Variants in NFYA observed in about 807,000 individuals in gnomAD.
The protein encoded by NFYA is CAAT-box DNA binding protein subunit A.
In NFYA, 28 loss-of-function variants were observed where a neutral mutation model predicts 52.8. That is an observed-to-expected ratio of 0.53 (90% CI 0.39 to 0.73). The LOEUF (loss-of-function observed/expected upper bound fraction) is 0.73, where lower values mean the gene tolerates loss of function less well. Ranked by LOEUF, NFYA falls within the 30% of genes least tolerant of loss-of-function variation. The pLI is 0.00. For missense variants in NFYA, 234 were observed against 427.0 expected, an observed-to-expected ratio of 0.55 and a Z score of 3.98; for synonymous variants, 150 against 150.7, an observed-to-expected ratio of 1.00 and a Z score of 0.03.
chr6:41,073,648 C>A (rs915294744), intron 1 of NFYA, among the ~76,000 whole-genome samples: 2 of 152,100 alleles, frequency 1.3e-5, no homozygotes, highest in African/African-American at 4.8e-5. Context: ...AGGGTGCGCG[C>A]CGCGGCCGCG....
chr6:41,094,228 C>T (rs1764284425), intron 8 of NFYA, among the ~76,000 whole-genome samples, 168 bp from the exon 9 acceptor site: 1 of 152,100 alleles, frequency 6.6e-6, no homozygotes, highest in South Asian at 2.1e-4. Context: ...AGCTATATTA[C>T]TTACTAGGTG....
intron 3 of NFYA, among the ~76,000 whole-genome samples, chr6:41,083,439 A>G (rs2113799598): frequency 6.6e-6 from 1 of 152,374 alleles, no homozygotes; most frequent in South Asian, 2.1e-4. Context: ...AGTTTAAACA[A>G]CAAACATATC....
rs1243492090 is a variant in NFYA, at chr6:41,101,730, AGCTAG to A, written c.*4323_*4327del. On this transcript the variant is annotated 3_prime_UTR_variant, in exon 10 of 10. Transcript: ENST00000341376. ...GAGGAGGGATCCTATTGTTTCCCAT[AGCTAG>A]GCAGCCTAAGAGAGTAGGGGAAAGA... Among the ~76,000 whole-genome samples, 3 of 152,144 alleles carry A rather than the reference AGCTAG, an allele frequency of 2.0e-5. No homozygotes were observed. The highest frequency in any genetic ancestry group is 4.4e-5 in the Non-Finnish European group (3 of 68,022).
chr6:41,092,316 C>G (rs780902968), intron 7 of NFYA, among the ~76,000 whole-genome samples: 8 of 152,166 alleles, frequency 5.3e-5, no homozygotes, highest in Non-Finnish European at 1.2e-4. Flanking sequence ...GGCTTAAGTC[C>G]AGGAGTTTGA....
intron 4 of NFYA, 134 bp downstream of exon 4, chr6:41,084,326 T>C: frequency 9.4e-7 from 1 of 1,067,960 alleles, no homozygotes; most frequent in South Asian, 1.7e-5. Context: ...GTTGATTTTC[T>C]GCCTTTATAG....
intron 1 of NFYA, among the ~76,000 whole-genome samples, chr6:41,074,817 T>A (rs2114080460): frequency 6.6e-6 from 1 of 152,348 alleles, no homozygotes; most frequent in South Asian, 2.1e-4. Context: ...GTTTATGGGT[T>A]CTGCCCCGTG....
intron 3 of NFYA, among the ~76,000 whole-genome samples, chr6:41,083,794 T>C (rs939207606): frequency 6.6e-6 from 1 of 152,254 alleles, no homozygotes; most frequent in African/African-American, 2.4e-5. Context: ...AAATGCCTTA[T>C]ATCTATTGAG....
At chr6:41,076,061 G>A (rs1266742637) in intron 1 of NFYA, among the ~76,000 whole-genome samples, 4 of 152,274 alleles carry the variant, frequency 2.6e-5, no homozygotes, top group African/African-American at 7.2e-5. Flanking sequence ...CACTTGTTGA[G>A]TTGTGAAAGA....
intron 4 of NFYA, among the ~76,000 whole-genome samples, chr6:41,085,829 G>C (rs1764030346): frequency 6.6e-6 from 1 of 151,910 alleles, no homozygotes; most frequent in African/African-American, 2.4e-5. Flanking sequence ...ATATAGTTAA[G>C]GATTTTGGTT....
intron 7 of NFYA, 51 bp from the exon 8 acceptor site, chr6:41,092,860 TC>T: frequency 6.5e-7 from 1 of 1,548,648 alleles, no homozygotes; most frequent in Non-Finnish European, 8.7e-7. Flanking sequence ...AGAAACTGTT[TC>T]TATGTCCATA....
At chr6:41,095,859 A>G (rs1457154515) in intron 9 of NFYA, among the ~76,000 whole-genome samples, 1 of 152,188 alleles carries the variant, frequency 6.6e-6, no homozygotes, top group East Asian at 1.9e-4. Flanking sequence ...ACTTAATTCT[A>G]TTTAAGTAAG....
Position 41,098,891 on chromosome 6 carries a change from T to C in NFYA, c.*1481T>C, listed in dbSNP as rs1764429368. On this transcript the variant is annotated 3_prime_UTR_variant, in exon 10 of 10. Coordinates refer to ENST00000341376, the MANE Select transcript of NFYA (RefSeq NM_002505.5). ...ATGTTGAACCCTGAGAGAACTAAGA[T>C]GATATTTCAGAAGAGTTGGCTGCCT... 6.6e-6 allele frequency: 1 copy of C among 152,574 alleles called. No homozygotes were observed. The highest frequency in any genetic ancestry group is 1.5e-5 in the Non-Finnish European group (1 of 68,028). 9.5% of individuals were successfully genotyped at this position (152,574 alleles called of 1,614,324 possible).
chr6:41,080,367 G>A (rs949858362), intron 2 of NFYA, among the ~76,000 whole-genome samples: 3 of 151,978 alleles, frequency 2.0e-5, no homozygotes, highest in East Asian at 3.9e-4. Flanking sequence ...AGATGATTTC[G>A]GTTCATAGTG....
Position 41,102,309 on chromosome 6 carries a change from T to C in NFYA, c.*4899T>C, listed in dbSNP as rs1051713318. On this transcript the variant is annotated 3_prime_UTR_variant, in exon 10 of 10. Coordinates refer to ENST00000341376, the MANE Select transcript of NFYA (RefSeq NM_002505.5). ...TGCTAATCTACCCAGTCTCACATTC[T>C]ATTGACTCATTGTTCAAAGGGGGGG... Among the ~76,000 whole-genome samples, 6 of 152,176 alleles carry C rather than the reference T, an allele frequency of 3.9e-5. No homozygotes were observed. Among genetic ancestry groups the C allele is most frequent in the African/African-American group, 1.4e-4 (6 of 41,436 alleles).
intron 6 of NFYA, among the ~76,000 whole-genome samples, chr6:41,090,904 A>G (rs1764183037): frequency 6.6e-6 from 1 of 152,232 alleles, no homozygotes; most frequent in Non-Finnish European, 1.5e-5. Flanking sequence ...AGTTAAATCA[A>G]AAAAGGACAT....
intron 7 of NFYA, among the ~76,000 whole-genome samples, 191 bp downstream of exon 7, chr6:41,091,885 A>G (rs913516899): frequency 1.3e-5 from 2 of 152,206 alleles, no homozygotes; most frequent in African/African-American, 2.4e-5. Flanking sequence ...GCCAGGGACT[A>G]TTCACCAGGG....
chr6:41,087,269 T>C (rs1450603490), intron 4 of NFYA, among the ~76,000 whole-genome samples: 1 of 152,202 alleles, frequency 6.6e-6, no homozygotes, highest in East Asian at 1.9e-4. Context: ...GAAAAAATAA[T>C]TCAGAAGACC....
At chr6:41,074,754 A>T (rs1763686165) in intron 1 of NFYA, among the ~76,000 whole-genome samples, 1 of 152,248 alleles carries the variant, frequency 6.6e-6, no homozygotes, top group South Asian at 2.1e-4. Context: ...TTCAAGTAGA[A>T]GGGATCTAGA....
chr6:41,080,707 C>T, intron 2 of NFYA, 104 bp from the exon 3 acceptor site: 1 of 907,424 alleles, frequency 1.1e-6, no homozygotes, highest in East Asian at 2.5e-5. Flanking sequence ...TTTGAAAGTC[C>T]TTCAGGCTTC....
Sources: allele counts gnomAD v4.1 joint callset (sites outside exome capture counted in the v4.1 genomes callset), GRCh38; gene constraint gnomAD v4.1.1; transcripts MANE v1.5; gene names NCBI Gene and HGNC (gene_info 2026-07-23, HGNC 2026-07-21).